The following ROGDI variants were observed in gnomAD, a reference collection of about 807,000 sequenced individuals.
The protein encoded by ROGDI is protein rogdi homolog.
A neutral mutation model predicts 43.1 loss-of-function variants in ROGDI; 46 were observed. The observed-to-expected ratio is 1.07, with a 90% CI of 0.84 to 1.37. The LOEUF is 1.37. Among genes scored for constraint, ROGDI ranks in the 40% most tolerant of loss-of-function variants. ROGDI has a pLI of 0.00. For missense variants in ROGDI, 518 were observed against 383.9 expected (o/e 1.35, Z -2.92); for synonymous variants, 243 against 162.0 (o/e 1.50, Z -3.80).
At position 4,797,417 on chromosome 16, in the gene ROGDI, G is replaced by A. The variant is rs1185925248; in HGVS notation, c.*43C>T. The A allele has an allele frequency of 6.3e-7, 1 of 1,590,410 alleles. No individual in the cohort carries two copies. Among genetic ancestry groups the A allele is most frequent in the East Asian group, 2.2e-5 (1 of 44,788 alleles). ...GTGCTCTGTGGTGGGTATGAGTAGG[G>A]GACGGGGCCGCCTTCCTGGAGACAA... On this transcript the variant is annotated 3_prime_UTR_variant, in exon 11 of 11. Coordinates refer to ENST00000322048, the MANE Select transcript of ROGDI (RefSeq NM_024589.3).
intron 6 of ROGDI, 140 bp downstream of exon 6, chr16:4,799,546 G>C: frequency 6.4e-6 from 4 of 621,130 alleles, no homozygotes; most frequent in Non-Finnish European, 1.1e-5. Context: ...CCCACAGGTA[G>C]AAATGGAGAC....
chr16:4,797,356 G>A lies in ROGDI; in HGVS notation c.*104C>T. 9.9e-7 allele frequency: 1 copy of A among 1,006,400 alleles called. No individual in the cohort carries two copies. The highest frequency in any genetic ancestry group is 1.5e-6 in the Non-Finnish European group (1 of 668,220). 62.3% of individuals were successfully genotyped at this position (1,006,400 alleles called of 1,614,324 possible). Reference sequence around the variant, plus strand: ...GTTAGGTGGGGTAGGGGGTGGGATAGGGAGATAAATAGCAGCCTGGCGTTG... The same window carrying A: ...GTTAGGTGGGGTAGGGGGTGGGATAAGGAGATAAATAGCAGCCTGGCGTTG... On this transcript the variant is annotated 3_prime_UTR_variant, in exon 11 of 11. Transcript: ENST00000322048.
At position 4,800,526 on chromosome 16, in the gene ROGDI, C is replaced by A. The variant is rs552833661; in HGVS notation, c.308G>T (p.Arg103Leu). 1 of 1,561,890 alleles carries A rather than the reference C, an allele frequency of 6.4e-7. No homozygotes were observed. The highest frequency in any genetic ancestry group is 8.7e-7 in the Non-Finnish European group (1 of 1,152,242). ...RNNQLLHFAF[R>L]EDKQWKLQQI... is the part of the protein sequence containing the mutation. ...CTGCAGCTTCCACTGCTTGTCCTCC[C>A]GGAAGGCGAAGTGCAGCAGCTGGTT... is the stretch of plus-strand genomic sequence containing the variant. Residue 103 changes from arginine (R) to leucine (L), a missense_variant, in exon 5 of 11, where the codon CGG becomes CTG. Arg to Leu is a moderately radical substitution (Grantham distance 102, BLOSUM62 -2). Coordinates refer to ENST00000322048, the MANE Select transcript of ROGDI (RefSeq NM_024589.3).
At chr16:4,801,115 T>G in intron 4 of ROGDI, 152 bp downstream of exon 4, 2 of 598,048 alleles carry the variant, frequency 3.3e-6, no homozygotes, top group Non-Finnish European at 2.9e-6. Context: ...GGAGAAGGTG[T>G]GAGGGTTGCT....
intron 2 of ROGDI, 88 bp from the exon 3 acceptor site, chr16:4,801,673 C>T: frequency 1.6e-6 from 2 of 1,263,466 alleles, no homozygotes; most frequent in Non-Finnish European, 2.2e-6. Flanking sequence ...CCCTCCAAGT[C>T]AGCGGGGGGA....
intron 2 of ROGDI, 51 bp downstream of exon 2, chr16:4,802,331 A>C: frequency 6.9e-7 from 1 of 1,458,922 alleles, no homozygotes; most frequent in Non-Finnish European, 9.2e-7. Context: ...GAGCCAGGGA[A>C]ATGAGGAGGG....
intron 7 of ROGDI, 150 bp downstream of exon 7, chr16:4,798,419 G>A (rs1000029394): frequency 4.1e-6 from 3 of 724,308 alleles, no homozygotes; most frequent in African/African-American, 1.8e-5. Context: ...GGCACAGGAC[G>A]GAAGCCAAGG....
chr16:4,798,424 C>T, intron 7 of ROGDI, 145 bp downstream of exon 7: 5 of 747,014 alleles, frequency 6.7e-6, no homozygotes, highest in East Asian at 2.7e-5. Flanking sequence ...AGGACGGAAG[C>T]CAAGGACCCC....
intron 9 of ROGDI, 21 bp downstream of exon 9, chr16:4,797,917 C>T (rs368654065): frequency 9.4e-6 from 15 of 1,598,788 alleles, no homozygotes; most frequent in African/African-American, 2.7e-5. Flanking sequence ...GTGCCTGGAC[C>T]CCCCGCCCCT....
rs2082712433 is a variant in ROGDI, at chr16:4,801,255, C to T, written c.255+12G>A. ...TTGGCAGGATGGGAGGGGACAGGGCCGGGGGACTCACCGCCTGGCTGAGGG... is the reference window on the plus strand; with the variant it reads ...TTGGCAGGATGGGAGGGGACAGGGCTGGGGGACTCACCGCCTGGCTGAGGG... On this transcript the variant is annotated intron_variant, in intron 4 of 10. Coordinates refer to ENST00000322048, the MANE Select transcript of ROGDI (RefSeq NM_024589.3). 1.3e-6 allele frequency: 2 copies of T among 1,598,636 alleles called. No homozygotes were observed. Among genetic ancestry groups the T allele is most frequent in the Non-Finnish European group, 8.5e-7 (1 of 1,170,424 alleles).
chr16:4,798,326 G>C (rs917528454), intron 7 of ROGDI, 142 bp from the exon 8 acceptor site: 1 of 798,286 alleles, frequency 1.3e-6, no homozygotes, highest in Non-Finnish European at 2.0e-6. Flanking sequence ...GGGGCTTCCA[G>C]ACTTTTCCCA....
At position 4,797,243 on chromosome 16, in the gene ROGDI, C is replaced by T. The variant is rs935940459; in HGVS notation, c.*217G>A. The T allele has an allele frequency of 7.3e-6, 4 of 545,434 alleles. No individual in the cohort carries two copies. The highest frequency in any genetic ancestry group is 5.7e-5 in the African/African-American group (3 of 52,602). The allele number at this position is 545,434 out of a possible 1,614,324, so 33.8% of individuals were successfully genotyped here. ...GTTGGGAATGTGGGACACCCTTGGC[C>T]CCGCCTCCCTGACCTCCCCACTACC... On this transcript the variant is annotated 3_prime_UTR_variant, in exon 11 of 11. Coordinates refer to ENST00000322048, the MANE Select transcript of ROGDI (RefSeq NM_024589.3).
intron 6 of ROGDI, 73 bp from the exon 7 acceptor site, chr16:4,798,740 C>T (rs1015167580): frequency 1.9e-5 from 23 of 1,222,460 alleles, no homozygotes; most frequent in Non-Finnish European, 2.5e-5. Context: ...GACATGGTAG[C>T]TCCCACTCCC....
Position 4,797,199 on chromosome 16 carries a change from A to T in ROGDI, c.*261T>A. 2.2e-6 allele frequency: 1 copy of T among 445,444 alleles called. No homozygotes were observed. Among genetic ancestry groups the T allele is most frequent in the East Asian group, 4.0e-5 (1 of 25,180 alleles). The allele number at this position is 445,444 out of a possible 1,614,324, so 27.6% of individuals were successfully genotyped here. ...CCCTGTCCTGAGTCCAAAGATTCCC[A>T]TGGTGATCAGAGGGCGGTGTTGGGA... On this transcript the variant is annotated 3_prime_UTR_variant, in exon 11 of 11. Coordinates refer to ENST00000322048, the MANE Select transcript of ROGDI (RefSeq NM_024589.3).
In ROGDI at chr16:4,797,811, C is replaced by G. The variant is rs774473916; in HGVS notation, c.725G>C (p.Ser242Thr). ...FEWGSQRLEV[S>T]HVHKVECVIP... ...CACGCACTCCACTTTGTGCACGTGG[C>G]TCACCTCCAGGCGCTGAGAGCCCCA... is the stretch of plus-strand genomic sequence containing the variant. The change falls in exon 10 of 11, where the codon AGC becomes ACC. Residue 242 changes from serine (S) to threonine (T), a missense_variant. By Grantham distance (58) the Ser-to-Thr change is moderately conservative (BLOSUM62 1). Coordinates refer to ENST00000322048, the MANE Select transcript of ROGDI (RefSeq NM_024589.3). 9.7e-5 allele frequency: 156 copies of G among 1,612,698 alleles called. No individual in the cohort carries two copies. The highest frequency in any genetic ancestry group is 1.3e-4 in the Non-Finnish European group (153 of 1,179,960).
chr16:4,798,187 G>A lies in ROGDI; in HGVS notation c.532-3C>T, dbSNP rs781201115. On this transcript the variant is annotated splice_region_variant and splice_polypyrimidine_tract_variant and intron_variant, in intron 7 of 10. Transcript: ENST00000322048. ...GGCAGGGCAGGGGCGAACATCCGCT[G>A]CGGGAGGCAGGTGGGATGAGGCCCT... 2 of 1,611,950 alleles carry A rather than the reference G, an allele frequency of 1.2e-6. No homozygotes were observed. The highest frequency in any genetic ancestry group is 1.7e-6 in the Non-Finnish European group (2 of 1,178,978).
Position 4,797,355 on chromosome 16 carries a change from A to G in ROGDI, c.*105T>C, listed in dbSNP as rs2082662653. The stretch of plus-strand genomic sequence containing the variant: ...TGTTAGGTGGGGTAGGGGGTGGGAT[A>G]GGGAGATAAATAGCAGCCTGGCGTT... On this transcript the variant is annotated 3_prime_UTR_variant, in exon 11 of 11. Transcript: ENST00000322048. 1 of 974,262 alleles carries G rather than the reference A, an allele frequency of 1.0e-6. No homozygotes were observed. Among genetic ancestry groups the G allele is most frequent in the Non-Finnish European group, 1.6e-6 (1 of 640,580 alleles). 60.4% of individuals were successfully genotyped at this position (974,262 alleles called of 1,614,324 possible).
intron 4 of ROGDI, chr16:4,800,917 C>A: frequency 2.0e-6 from 1 of 493,062 alleles, no homozygotes; most frequent in Non-Finnish European, 3.6e-6. Context: ...AGGGGGGCCT[C>A]CCCCCACGCC....
chr16:4,800,335 G>A (rs1567601498), intron 5 of ROGDI, among the ~76,000 whole-genome samples, 163 bp downstream of exon 5: 2 of 152,200 alleles, frequency 1.3e-5, no homozygotes, highest in East Asian at 3.9e-4. Context: ...AGCCTCCAGG[G>A]CTTCAGGAAA....
Sources: allele counts gnomAD v4.1 joint callset (sites outside exome capture counted in the v4.1 genomes callset), GRCh38; gene constraint gnomAD v4.1.1; transcripts MANE v1.5; gene names NCBI Gene and HGNC (gene_info 2026-07-23, HGNC 2026-07-21).